The following MAP3K3 variants were observed in gnomAD, a reference collection of about 807,000 sequenced individuals.
MAP3K3 encodes MAP/ERK kinase kinase 3.
In MAP3K3, 12 loss-of-function variants were observed where a neutral mutation model predicts 80.9. That is an observed-to-expected ratio of 0.15 (90% CI 0.10 to 0.24). The LOEUF (loss-of-function observed/expected upper bound fraction) is 0.24, where lower values mean the gene tolerates loss of function less well. Ranked by LOEUF, MAP3K3 falls within the 10% of genes least tolerant of loss-of-function variation. The pLI is 1.00. For missense variants in MAP3K3, 596 were observed against 834.7 expected (o/e 0.71, Z 3.52); for synonymous variants, 272 against 307.1 (o/e 0.89, Z 1.19).
chr17:63,654,943 G>T (rs2034733770), intron 4 of MAP3K3, among the ~76,000 whole-genome samples: 1 of 152,126 alleles, frequency 6.6e-6, no homozygotes, highest in Non-Finnish European at 1.5e-5. Flanking sequence ...GCCTGAGGCA[G>T]AAGAATTACT....
chr17:63,660,666 C>T (rs1337250035), intron 5 of MAP3K3, among the ~76,000 whole-genome samples: 1 of 151,796 alleles, frequency 6.6e-6, no homozygotes, highest in East Asian at 1.9e-4. Flanking sequence ...GATCTTGGCT[C>T]ACCGCAACCT....
chr17:63,642,107 T>C (rs1241725881), intron 2 of MAP3K3, among the ~76,000 whole-genome samples: 3 of 152,214 alleles, frequency 2.0e-5, no homozygotes, highest in Non-Finnish European at 4.4e-5. Flanking sequence ...TCAGAAGATT[T>C]GGGCATATCA....
intron 3 of MAP3K3, among the ~76,000 whole-genome samples, chr17:63,650,684 GAGAGAGAGAGA>G (rs1568131695): frequency 6.8e-6 from 1 of 148,108 alleles, no homozygotes; most frequent in African/African-American, 2.6e-5. Context: ...GAGAGAGAGA[GAGAGAGAGAGA>G]GTTTTTTTTT....
At chr17:63,647,630 A>G (rs773975137) in intron 3 of MAP3K3, among the ~76,000 whole-genome samples, 1 of 151,202 alleles carries the variant, frequency 6.6e-6, no homozygotes, top group Non-Finnish European at 1.5e-5. Context: ...CAAGGTTTTG[A>G]AAATGGTGCA....
chr17:63,627,361 A>G (rs2034122969), intron 1 of MAP3K3, among the ~76,000 whole-genome samples: 1 of 151,372 alleles, frequency 6.6e-6, no homozygotes, highest in Admixed American at 6.6e-5. Context: ...GTGTCAGACC[A>G]CTCCCACTCT....
At chr17:63,641,469 C>T (rs1289709567) in intron 2 of MAP3K3, among the ~76,000 whole-genome samples, 2 of 152,088 alleles carry the variant, frequency 1.3e-5, no homozygotes, top group Non-Finnish European at 2.9e-5. Context: ...TCTCGAACTC[C>T]TGACCTCGTG....
chr17:63,681,757 G>A lies in MAP3K3; in HGVS notation c.503-9G>A. On this transcript the variant is annotated splice_polypyrimidine_tract_variant and intron_variant, in intron 6 of 15. Transcript: ENST00000361733. ...CTCTGTTGTTGAAAGCCTCCTTTAT[G>A]TGCTCTAGGCTCCCAGAACCCTGGC... 6.9e-7 allele frequency: 1 copy of A among 1,446,604 alleles called. No homozygotes were observed. Among genetic ancestry groups the A allele is most frequent in the Non-Finnish European group, 9.2e-7 (1 of 1,089,968 alleles). The allele number at this position is 1,446,604 out of a possible 1,614,324, so 89.6% of individuals were successfully genotyped here. A position where few individuals can be genotyped will look rare whatever the true frequency, so the allele number is the denominator to read the frequency against.
At chr17:63,644,183 A>T (rs967185961) in intron 2 of MAP3K3, among the ~76,000 whole-genome samples, 1 of 152,132 alleles carries the variant, frequency 6.6e-6, no homozygotes, top group Non-Finnish European at 1.5e-5. Flanking sequence ...AAAGTGGTCC[A>T]TGTGTTATCT....
At chr17:63,678,544 GCC>G (rs1568148026) in intron 6 of MAP3K3, among the ~76,000 whole-genome samples, 29 of 152,300 alleles carry the variant, frequency 1.9e-4, no homozygotes, top group African/African-American at 6.7e-4. Context: ...AGGTGGGGAG[GCC>G]AGATTACTGA....
intron 2 of MAP3K3, among the ~76,000 whole-genome samples, chr17:63,633,042 A>G (rs1344072113): frequency 6.6e-6 from 1 of 152,136 alleles, no homozygotes; most frequent in Non-Finnish European, 1.5e-5. Context: ...AGCCTGGCCA[A>G]CATGGTGAAA....
At position 63,695,836 on chromosome 17, in the gene MAP3K3, A is replaced by G. The variant is rs146138584; in HGVS notation, c.*2059A>G. ...AAACCCTGCACTCCAAAAAAGCAAA[A>G]CAGACCCTAATTTTTTTGTGCCAAA... On this transcript the variant is annotated 3_prime_UTR_variant, in exon 16 of 16. Coordinates refer to ENST00000361733, the MANE Select transcript of MAP3K3 (RefSeq NM_002401.5). This position sits in a 1 kb window ranked among gnomAD's most constrained non-coding sequence, Gnocchi z 4.1. 1 of 152,634 alleles carries G rather than the reference A, an allele frequency of 6.6e-6. No homozygotes were observed. The highest frequency in any genetic ancestry group is 1.5e-5 in the Non-Finnish European group (1 of 68,026). The allele number at this position is 152,634 out of a possible 1,614,324, so 9.5% of individuals were successfully genotyped here. A position where few individuals can be genotyped will look rare whatever the true frequency, so the allele number is the denominator to read the frequency against.
chr17:63,627,445 CT>C (rs1183128007), intron 1 of MAP3K3, among the ~76,000 whole-genome samples: 2,041 of 143,290 alleles, frequency 0.014, 14 homozygotes, highest in African/African-American at 0.032. Flanking sequence ...TTCACAAATA[CT>C]TTTTTTTTTT....
intron 1 of MAP3K3, among the ~76,000 whole-genome samples, chr17:63,625,531 A>G (rs1320230851): frequency 1.3e-5 from 2 of 152,198 alleles, no homozygotes; most frequent in East Asian, 1.9e-4. Context: ...AGGATTACAG[A>G]TGATCTGGTT....
intron 7 of MAP3K3, 88 bp from the exon 8 acceptor site, chr17:63,685,429 C>T: frequency 1.0e-6 from 1 of 966,350 alleles, no homozygotes; most frequent in South Asian, 1.3e-5. Context: ...GACAAAAAGG[C>T]CCATTTGCTG....
intron 6 of MAP3K3, among the ~76,000 whole-genome samples, chr17:63,675,443 GA>G (rs1341572644): frequency 6.6e-6 from 1 of 152,200 alleles, no homozygotes; most frequent in Non-Finnish European, 1.5e-5. Context: ...TCAGCTTCCT[GA>G]TTAGGGTTCT....
intron 1 of MAP3K3, among the ~76,000 whole-genome samples, chr17:63,624,085 A>G (rs2034051255): frequency 6.6e-6 from 1 of 152,178 alleles, no homozygotes; most frequent in African/African-American, 2.4e-5. Context: ...TTTCCTTCAG[A>G]AGTGCGTGCT....
At chr17:63,625,771 A>G (rs1029842087) in intron 1 of MAP3K3, among the ~76,000 whole-genome samples, 2 of 152,182 alleles carry the variant, frequency 1.3e-5, no homozygotes, top group Non-Finnish European at 1.5e-5. Flanking sequence ...TGACAGTTGG[A>G]TTTTAAAACT....
chr17:63,639,020 C>G (rs2143235622), intron 2 of MAP3K3, among the ~76,000 whole-genome samples: 1 of 151,532 alleles, frequency 6.6e-6, no homozygotes, highest in African/African-American at 2.4e-5. Context: ...GACTCCATCT[C>G]AGAAAAAAAA....
At chr17:63,686,054 G>A (rs1393507928) in intron 8 of MAP3K3, among the ~76,000 whole-genome samples, 2 of 152,096 alleles carry the variant, frequency 1.3e-5, no homozygotes, top group African/African-American at 4.8e-5. Context: ...CCACCTGCTT[G>A]GTGTATATCT....
Sources: gnomAD v4.1 joint callset for allele counts (sites outside exome capture counted in the v4.1 genomes callset) on GRCh38, gnomAD v4.1.1 for gene constraint, Gnocchi (gnomAD v3.1) non-coding constraint, MANE v1.5 for transcripts, NCBI Gene and HGNC (gene_info 2026-07-23, HGNC 2026-07-21) for gene names.